Variants in RAB31 observed in about 807,000 individuals in gnomAD.
RAB31 encodes RAB31, member RAS oncogene family, also known as ras-related protein Rab-31.
A neutral mutation model predicts 25.6 loss-of-function variants in RAB31; 21 were observed. The ratio of observed to expected loss-of-function variants is 0.82; its 90% CI spans 0.58 to 1.18. The LOEUF (loss-of-function observed/expected upper bound fraction) is 1.18. RAB31 is among the 50% of genes most tolerant of loss of function. The pLI is 0.00. For synonymous variants in RAB31, 87 were observed against 84.0 expected, an observed-to-expected ratio of 1.04 and a Z score of -0.20; for missense variants, 196 against 250.1, an observed-to-expected ratio of 0.78 and a Z score of 1.46.
chr18:9,811,178 C>T lies in RAB31; in HGVS notation c.202-2842C>T, dbSNP rs376827323. Among the ~76,000 whole-genome samples the T allele has an allele frequency of 3.5e-4, 53 of 152,318 alleles. No individual in the cohort carries two copies. The South Asian group carries it at 5.6e-3, about 16-fold the overall frequency. ...GGTGGCGCCGGCCCTTCAGCATCTT[C>T]GGCCACCGCACAGTTCAGCTGTGAA... On this transcript the variant is annotated intron_variant, in intron 3 of 6. Transcript: ENST00000578921.
chr18:9,799,641 T>G (rs2068503950), intron 3 of RAB31, among the ~76,000 whole-genome samples: 1 of 152,122 alleles, frequency 6.6e-6, no homozygotes, highest in South Asian at 2.1e-4. Flanking sequence ...GGACTACAGG[T>G]GCGCCACCGT....
At chr18:9,718,497 G>A (rs936334389) in intron 1 of RAB31, among the ~76,000 whole-genome samples, 2 of 152,058 alleles carry the variant, frequency 1.3e-5, no homozygotes, top group Admixed American at 1.3e-4. Context: ...GACCTCAGGT[G>A]ACCCACCTGC....
chr18:9,819,907 T>G (rs2068616763), intron 5 of RAB31, among the ~76,000 whole-genome samples: 2 of 152,130 alleles, frequency 1.3e-5, no homozygotes, highest in Admixed American at 1.3e-4. Context: ...ATGTTTATCT[T>G]GTATCCTATA....
intron 5 of RAB31, among the ~76,000 whole-genome samples, chr18:9,829,080 C>A (rs2068664326): frequency 6.6e-6 from 1 of 152,110 alleles, no homozygotes; most frequent in African/African-American, 2.4e-5. Context: ...TTAAAACATT[C>A]TTAAAGAAGA....
chr18:9,717,441 AG>A (rs1337438985), intron 1 of RAB31, among the ~76,000 whole-genome samples: 1 of 152,230 alleles, frequency 6.6e-6, no homozygotes, highest in Non-Finnish European at 1.5e-5. Context: ...CCTGCAGGAC[AG>A]CAAACAGAAC....
chr18:9,808,116 C>T (rs771802552), intron 3 of RAB31, among the ~76,000 whole-genome samples: 2 of 152,188 alleles, frequency 1.3e-5, no homozygotes, highest in Non-Finnish European at 2.9e-5. Context: ...CTCATCAGGT[C>T]TCTTCTAAAA....
intron 1 of RAB31, among the ~76,000 whole-genome samples, chr18:9,723,167 C>T (rs1348207533): frequency 6.6e-6 from 1 of 152,138 alleles, no homozygotes; most frequent in Non-Finnish European, 1.5e-5. Flanking sequence ...TGTGCCTCAT[C>T]CTCCCGAGTA....
intron 6 of RAB31, among the ~76,000 whole-genome samples, chr18:9,855,700 T>C (rs2068812505): frequency 6.6e-6 from 1 of 152,214 alleles, no homozygotes; most frequent in Non-Finnish European, 1.5e-5. Context: ...TGTTATGATC[T>C]GGCTTTTCTC....
intron 3 of RAB31, among the ~76,000 whole-genome samples, chr18:9,803,655 G>A (rs528103578): frequency 6.6e-6 from 1 of 152,336 alleles, no homozygotes; most frequent in South Asian, 2.1e-4. Context: ...TGCCTGCTGA[G>A]CTCCTTTAAG....
intron 3 of RAB31, among the ~76,000 whole-genome samples, chr18:9,802,386 A>G (rs934453176): frequency 3.3e-5 from 5 of 152,228 alleles, no homozygotes; most frequent in Admixed American, 6.5e-5. Flanking sequence ...TTTTGAATAA[A>G]GAGTTAGGTC....
intron 1 of RAB31, among the ~76,000 whole-genome samples, chr18:9,742,200 G>A (rs2145472687): frequency 6.6e-6 from 1 of 152,318 alleles, no homozygotes; most frequent in African/African-American, 2.4e-5. Context: ...TCTTGGTGAG[G>A]GTTGGGTAAG....
At chr18:9,798,210 G>C (rs181064506) in intron 3 of RAB31, among the ~76,000 whole-genome samples, 1 of 152,346 alleles carries the variant, frequency 6.6e-6, no homozygotes, top group Admixed American at 6.5e-5. Flanking sequence ...TTTGTGGAGA[G>C]TGTGTGACTG....
At chr18:9,772,259 C>T (rs919073777) in intron 1 of RAB31, among the ~76,000 whole-genome samples, 14 of 151,830 alleles carry the variant, frequency 9.2e-5, no homozygotes, top group African/African-American at 3.4e-4. Context: ...CCCAGGGGCA[C>T]GTGAGGGAAC....
intron 1 of RAB31, among the ~76,000 whole-genome samples, chr18:9,765,336 T>C (rs1437384378): frequency 5.3e-5 from 8 of 152,208 alleles, no homozygotes; most frequent in Non-Finnish European, 1.0e-4. Context: ...GGCCTGGAGT[T>C]GCATTTTCTT....
At chr18:9,795,045 T>A (rs1169232189) in intron 3 of RAB31, among the ~76,000 whole-genome samples, 7 of 152,138 alleles carry the variant, frequency 4.6e-5, no homozygotes, top group Admixed American at 4.6e-4. Context: ...AAAATAGGCA[T>A]GTAGACCAAT....
At chr18:9,776,081 C>T (rs1338290161) in intron 2 of RAB31, among the ~76,000 whole-genome samples, 4 of 152,182 alleles carry the variant, frequency 2.6e-5, no homozygotes, top group South Asian at 2.1e-4. Flanking sequence ...TGGGTCACTG[C>T]GCCCAGCCCC....
intron 5 of RAB31, among the ~76,000 whole-genome samples, chr18:9,839,300 G>T (rs367930172): frequency 6.6e-5 from 10 of 152,312 alleles, no homozygotes; most frequent in Admixed American, 5.9e-4. Context: ...AATGGCTGTG[G>T]CTTCGGGGGC....
intron 6 of RAB31, among the ~76,000 whole-genome samples, chr18:9,856,927 CTATT>C (rs755483092): frequency 7.5e-4 from 114 of 152,216 alleles, no homozygotes; most frequent in Non-Finnish European, 1.4e-3. Context: ...ACTTCCTTCT[CTATT>C]TATCACTTAA....
At chr18:9,826,855 C>A (rs913913992) in intron 5 of RAB31, among the ~76,000 whole-genome samples, 2 of 51,688 alleles carry the variant, frequency 3.9e-5, no homozygotes, top group Admixed American at 2.0e-4. Flanking sequence ...CAGGATCCTC[C>A]GCGAAGGAGG....
Sources: gnomAD v4.1 joint callset for allele counts (sites outside exome capture counted in the v4.1 genomes callset) on GRCh38, gnomAD v4.1.1 for gene constraint, MANE v1.5 for transcripts, NCBI Gene and HGNC (gene_info 2026-07-23, HGNC 2026-07-21) for gene names.